Variants in NFASC observed in about 807,000 individuals in gnomAD.
NFASC encodes neurofascin.
NFASC carries 43 observed loss-of-function variants against 147.5 expected under a neutral mutation model. The ratio of observed to expected loss-of-function variants is 0.29; its 90% CI spans 0.23 to 0.38. The LOEUF (loss-of-function observed/expected upper bound fraction) is 0.38, where lower values mean the gene tolerates loss of function less well. Ranked by LOEUF, NFASC falls within the 10% of genes least tolerant of loss-of-function variation. The pLI, the probability that NFASC is intolerant of heterozygous loss-of-function variation, is 1.00. For synonymous variants in NFASC, 622 were observed against 665.5 expected (o/e 0.93, Z 1.01); for missense variants, 1,320 against 1,689.0 (o/e 0.78, Z 3.83).
intron 7 of NFASC, among the ~76,000 whole-genome samples, 189 bp from the exon 8 acceptor site, chr1:204,957,467 T>C (rs2094482767): frequency 2.6e-5 from 4 of 152,244 alleles, no homozygotes; most frequent in Admixed American, 2.6e-4. Flanking sequence ...CTGGACACAT[T>C]ACATCCTCTG....
At chr1:204,947,623 C>T (rs1395294783) in intron 3 of NFASC, among the ~76,000 whole-genome samples, 1 of 149,972 alleles carries the variant, frequency 6.7e-6, no homozygotes, top group Non-Finnish European at 1.5e-5. Flanking sequence ...CCCCTCCCTC[C>T]CTCCCTCCTT....
intron 1 of NFASC, among the ~76,000 whole-genome samples, chr1:204,865,655 A>G (rs1303781730): frequency 5.3e-5 from 8 of 152,234 alleles, no homozygotes; most frequent in African/African-American, 1.7e-4. Context: ...TTATCCCACT[A>G]CAACACTGAT....
intron 2 of NFASC, among the ~76,000 whole-genome samples, chr1:204,933,509 C>T (rs1426454141): frequency 6.6e-6 from 1 of 152,122 alleles, no homozygotes; most frequent in Non-Finnish European, 1.5e-5. Context: ...GAAGAGAATC[C>T]GGCCATGGGA....
chr1:204,929,904 G>A (rs1425420797), intron 2 of NFASC, among the ~76,000 whole-genome samples: 3 of 152,204 alleles, frequency 2.0e-5, no homozygotes, highest in Non-Finnish European at 4.4e-5. Flanking sequence ...CTGTGAGCTG[G>A]AAGGAATGGA....
intron 1 of NFASC, among the ~76,000 whole-genome samples, chr1:204,835,654 G>A (rs934119566): frequency 2.0e-5 from 3 of 152,168 alleles, no homozygotes; most frequent in Non-Finnish European, 2.9e-5. Context: ...TTTGGGTGGT[G>A]GGTGCATGTA....
chr1:205,018,562 A>G lies in NFASC; in HGVS notation c.*2023A>G, dbSNP rs1574583322. 6.5e-6 allele frequency: 1 copy of G among 152,824 alleles called. No homozygotes were observed. The highest frequency in any genetic ancestry group is 2.4e-5 in the African/African-American group (1 of 41,584). The allele number at this position is 152,824 out of a possible 1,614,324, so 9.5% of individuals were successfully genotyped here. ...TGCCTGGACGCCTGAGGGGCAGCTTATCACAGTGCAAGGGGACAGGGTAAA... is the reference window on the plus strand; with the variant it reads ...TGCCTGGACGCCTGAGGGGCAGCTTGTCACAGTGCAAGGGGACAGGGTAAA... On this transcript the variant is annotated 3_prime_UTR_variant, in exon 30 of 30. Coordinates refer to ENST00000339876, the MANE Select transcript of NFASC (RefSeq NM_001005388.3).
intron 1 of NFASC, among the ~76,000 whole-genome samples, chr1:204,852,401 G>T (rs1373040536): frequency 1.3e-5 from 2 of 152,226 alleles, no homozygotes; most frequent in African/African-American, 4.8e-5. Flanking sequence ...TTGAGAAGCT[G>T]AGGCAGGAGA....
chr1:204,957,689 C>T lies in NFASC; in HGVS notation c.569C>T (p.Ser190Phe). The T allele has an allele frequency of 6.2e-7, 1 of 1,614,178 alleles. No homozygotes were observed. The highest frequency in any genetic ancestry group is 8.5e-7 in the Non-Finnish European group (1 of 1,180,030). ...CCCATCACCCAAGACAAACGTGTCT[C>T]TCAGGGCCATAACGGAGACCTATAC... ...MEPITQDKRV[S>F]QGHNGDLYFS... The change falls in exon 8 of 30, where the codon TCT becomes TTT. Residue 190 changes from serine to phenylalanine, a missense_variant. By Grantham distance (155) the Ser-to-Phe change is radical (BLOSUM62 -2). Around this residue, in one of 3 missense-constraint regions of NFASC, gnomAD observed 981 missense variants for 1,289.5 expected, o/e 0.76. Coordinates refer to ENST00000339876, the MANE Select transcript of NFASC (RefSeq NM_001005388.3).
chr1:204,881,772 C>T (rs2148889190), intron 1 of NFASC, among the ~76,000 whole-genome samples: 1 of 152,284 alleles, frequency 6.6e-6, no homozygotes, highest in Middle Eastern at 3.4e-3. Context: ...GTTCCTGAAC[C>T]TTCCGCTAGG....
intron 1 of NFASC, among the ~76,000 whole-genome samples, chr1:204,898,358 C>G (rs1184165078): frequency 1.3e-5 from 2 of 152,252 alleles, no homozygotes; most frequent in African/African-American, 2.4e-5. Flanking sequence ...CATGAGAACC[C>G]AGGAGAAAAT....
chr1:204,905,024 A>G (rs976989673), intron 1 of NFASC, among the ~76,000 whole-genome samples: 2 of 152,268 alleles, frequency 1.3e-5, no homozygotes, highest in South Asian at 2.1e-4. Flanking sequence ...AGTACCACCA[A>G]TCTATCCTCA....
chr1:204,947,005 T>C, intron 3 of NFASC: 1 of 353,572 alleles, frequency 2.8e-6, no homozygotes, highest in Non-Finnish European at 5.6e-6. Flanking sequence ...CTCATAAGGT[T>C]GACTGGAAGT....
rs769320022 is a variant in NFASC, at chr1:205,009,583, G to A, written c.3316G>A (p.Ala1106Thr). The A allele has an allele frequency of 3.1e-6, 5 of 1,614,060 alleles. No individual in the cohort carries two copies. Among genetic ancestry groups the A allele is most frequent in the South Asian group, 1.1e-5 (1 of 91,082 alleles). The change falls in exon 28 of 30, where the codon GCC becomes ACC. Residue 1106 changes from alanine (A) to threonine (T), a missense_variant. Ala to Thr is a moderately conservative substitution (Grantham distance 58). Around this residue, in one of 3 missense-constraint regions of NFASC, gnomAD observed 167 missense variants for 233.8 expected, o/e 0.71. Transcript: ENST00000339876. ...TAYTNNQADI[A>T]TQGWFIGLMC... Reference sequence around the variant, plus strand: ...TTACACCAACAACCAAGCGGACATCGCCACCCAGGGCTGGTTCATTGGGCT... The same window carrying A: ...TTACACCAACAACCAAGCGGACATCACCACCCAGGGCTGGTTCATTGGGCT...
Position 204,988,804 on chromosome 1 carries a change from A to G in NFASC, c.2765A>G (p.Glu922Gly), listed in dbSNP as rs151067138. The G allele has an allele frequency of 9.9e-4, 1,602 of 1,613,942 alleles. 4 individuals carry two copies. Among genetic ancestry groups the G allele is most frequent in the Non-Finnish European group, 7.5e-4 (884 of 1,179,908 alleles). Residue 922 changes from glutamate (E) to glycine (G), a missense_variant and splice_region_variant, in exon 23 of 30, where the codon GAA becomes GGA. By Grantham distance (98) the Glu-to-Gly change is moderately conservative (BLOSUM62 -2). Coordinates refer to ENST00000339876, the MANE Select transcript of NFASC (RefSeq NM_001005388.3). ...GAGGAGTCACCAGCACCCCCGAATG[A>G]AGGTAGGTGCATGGCAGCAGCCCCT... ...VTEESPAPPNEATPTAAPPTL... is the reference protein window; with the variant it reads ...VTEESPAPPNGATPTAAPPTL...
intron 2 of NFASC, among the ~76,000 whole-genome samples, chr1:204,928,428 A>T (rs914301718): frequency 6.6e-6 from 1 of 152,156 alleles, no homozygotes; most frequent in African/African-American, 2.4e-5. Flanking sequence ...GTGGGTGTCA[A>T]CGACAAAGCT....
At chr1:204,893,538 C>A (rs919548166) in intron 1 of NFASC, among the ~76,000 whole-genome samples, 17 of 152,108 alleles carry the variant, frequency 1.1e-4, no homozygotes, top group Admixed American at 9.2e-4. Context: ...GCAGCAGGGC[C>A]TAGTACCAGA....
At chr1:204,879,955 C>T (rs2079824872) in intron 1 of NFASC, among the ~76,000 whole-genome samples, 1 of 152,170 alleles carries the variant, frequency 6.6e-6, no homozygotes, top group African/African-American at 2.4e-5. Context: ...GTGGGCACAG[C>T]TGGTGGTGCT....
chr1:205,003,256 C>T (rs2096032707), intron 27 of NFASC, among the ~76,000 whole-genome samples: 1 of 152,186 alleles, frequency 6.6e-6, no homozygotes, highest in South Asian at 2.1e-4. Context: ...AAGTGAGTGA[C>T]ACAACTTGTT....
At chr1:204,978,753 G>T (rs1415562178) in intron 17 of NFASC, among the ~76,000 whole-genome samples, 1 of 149,318 alleles carries the variant, frequency 6.7e-6, no homozygotes, top group Admixed American at 6.6e-5. Flanking sequence ...GATATTCTTT[G>T]TGGGGGGGGG....
Sources: allele counts gnomAD v4.1 joint callset (sites outside exome capture counted in the v4.1 genomes callset), GRCh38; gene constraint gnomAD v4.1.1; regional missense constraint gnomAD v4.1.1; transcripts MANE v1.5; gene names NCBI Gene and HGNC (gene_info 2026-07-23, HGNC 2026-07-21).